The following RTRAF variants were observed in gnomAD, a reference collection of about 807,000 sequenced individuals.
The protein encoded by RTRAF is RNA transcription, translation and transport factor.
RTRAF carries 14 observed loss-of-function variants against 34.4 expected under a neutral mutation model. The ratio of observed to expected loss-of-function variants is 0.41; its 90% CI spans 0.27 to 0.64. The LOEUF (loss-of-function observed/expected upper bound fraction) is 0.64. Ranked by LOEUF, RTRAF falls within the 30% of genes least tolerant of loss-of-function variation. The pLI is 0.34. For synonymous variants in RTRAF, 96 were observed against 95.3 expected (o/e 1.01, Z -0.04); for missense variants, 291 against 288.4 (o/e 1.01, Z -0.06).
At chr14:51,993,350 T>A (rs960805193) in intron 2 of RTRAF, among the ~76,000 whole-genome samples, 1 of 152,170 alleles carries the variant, frequency 6.6e-6, no homozygotes, top group Non-Finnish European at 1.5e-5. Flanking sequence ...TTTAGATAGA[T>A]AATGATTTAT....
chr14:51,995,348 G>A (rs541601336), intron 3 of RTRAF, among the ~76,000 whole-genome samples: 1 of 151,792 alleles, frequency 6.6e-6, no homozygotes. Flanking sequence ...CTTGACTCTG[G>A]CCCCTTCTTC....
intron 2 of RTRAF, among the ~76,000 whole-genome samples, chr14:51,992,293 G>A (rs1354050009): frequency 6.6e-6 from 1 of 152,104 alleles, no homozygotes; most frequent in Non-Finnish European, 1.5e-5. Flanking sequence ...TCTTGAAAAA[G>A]GCTAAGTTTT....
chr14:52,004,937 A>T lies in RTRAF; in HGVS notation c.*421A>T, dbSNP rs1890698241. On this transcript the variant is annotated 3_prime_UTR_variant, in exon 8 of 8. Transcript: ENST00000261700. ...AGGCACTACAGGATCAGAAAATGCA[A>T]ATTGAATCATTTTAGCACCTTTTGA... 1 of 158,602 alleles carries T rather than the reference A, an allele frequency of 6.3e-6. No individual in the cohort carries two copies. 9.8% of individuals were successfully genotyped at this position (158,602 alleles called of 1,614,324 possible).
chr14:51,989,581 C>T lies in RTRAF; in HGVS notation c.-59C>T. 1.3e-6 allele frequency: 2 copies of T among 1,534,072 alleles called. No individual in the cohort carries two copies. Among genetic ancestry groups the T allele is most frequent in the South Asian group, 1.2e-5 (1 of 82,554 alleles). Reference sequence around the variant, plus strand: ...GTCGCCGGTGCCTGCGCCTCCCGCTCCACCTCGCTTCTTCTCTCCCGGCCG... The same window carrying T: ...GTCGCCGGTGCCTGCGCCTCCCGCTTCACCTCGCTTCTTCTCTCCCGGCCG... On this transcript the variant is annotated 5_prime_UTR_variant, in exon 1 of 8. Transcript: ENST00000261700.
chr14:52,006,673 A>G lies in RTRAF; in HGVS notation c.*2157A>G. ...AGTTTTTTGGTTCCTTTTAAAACAAAGGGGGAAAATGAGGTCCTTCAGCTG... is the reference window on the plus strand; with the variant it reads ...AGTTTTTTGGTTCCTTTTAAAACAAGGGGGGAAAATGAGGTCCTTCAGCTG... On this transcript the variant is annotated 3_prime_UTR_variant, in exon 8 of 8. Transcript: ENST00000261700. The G allele has an allele frequency of 6.2e-7, 1 of 1,613,004 alleles. No individual in the cohort carries two copies. Among genetic ancestry groups the G allele is most frequent in the African/African-American group, 1.3e-5 (1 of 75,016 alleles).
Position 52,004,745 on chromosome 14 carries a change from G to C in RTRAF, c.*229G>C. On this transcript the variant is annotated 3_prime_UTR_variant, in exon 8 of 8. Transcript: ENST00000261700. ...GCATAAATCACCTTTCTCCTTTGTG[G>C]TTAAGGCATATATGCCAACCCCCAG... The C allele has an allele frequency of 2.5e-6, 1 of 399,898 alleles. No individual in the cohort carries two copies. The highest frequency in any genetic ancestry group is 4.4e-6 in the Non-Finnish European group (1 of 228,462). 24.8% of individuals were successfully genotyped at this position (399,898 alleles called of 1,614,324 possible).
At chr14:52,004,153 T>C (rs2140332496) in intron 6 of RTRAF, 41 bp from the exon 7 acceptor site, 1 of 1,551,922 alleles carries the variant, frequency 6.4e-7, no homozygotes, top group Non-Finnish European at 8.9e-7. Context: ...GATGCTATTC[T>C]TAACCATAAA....
rs958016421 is a variant in RTRAF, at chr14:51,989,548, C to A, written c.-92C>A. ...GAGCGACTCAGCGCCTGCCCGCCCT[C>A]TCGCCGCGTCGCCGGTGCCTGCGCC... On this transcript the variant is annotated 5_prime_UTR_variant, in exon 1 of 8. Transcript: ENST00000261700. 4 of 1,399,962 alleles carry A rather than the reference C, an allele frequency of 2.9e-6. No homozygotes were observed. In the East Asian group the frequency reaches 8.0e-5, roughly 28 times the overall value. 86.7% of individuals were successfully genotyped at this position (1,399,962 alleles called of 1,614,324 possible).
At chr14:51,992,284 C>G (rs1308157595) in intron 2 of RTRAF, among the ~76,000 whole-genome samples, 2 of 152,132 alleles carry the variant, frequency 1.3e-5, no homozygotes, top group Non-Finnish European at 2.9e-5. Context: ...AGATATTTTT[C>G]TTGAAAAAGG....
At position 51,993,839 on chromosome 14, in the gene RTRAF, A is replaced by C; in HGVS notation, c.286+17A>C. 1 of 1,438,418 alleles carries C rather than the reference A, an allele frequency of 7.0e-7. No individual in the cohort carries two copies. Among genetic ancestry groups the C allele is most frequent in the Non-Finnish European group, 9.6e-7 (1 of 1,041,086 alleles). The allele number at this position is 1,438,418 out of a possible 1,614,324, so 89.1% of individuals were successfully genotyped here. Reference sequence around the variant, plus strand: ...GAGATAATGGTACGTTTTGTGGGGAATGTGTATTTTAAAGAGAGAGGAAAG... The same window carrying C: ...GAGATAATGGTACGTTTTGTGGGGACTGTGTATTTTAAAGAGAGAGGAAAG... On this transcript the variant is annotated intron_variant, in intron 3 of 7. Coordinates refer to ENST00000261700, the MANE Select transcript of RTRAF (RefSeq NM_016039.3).
chr14:51,998,484 G>T lies in RTRAF; in HGVS notation c.287-10G>T. 6.6e-7 allele frequency: 1 copy of T among 1,513,950 alleles called. No homozygotes were observed. The highest frequency in any genetic ancestry group is 1.4e-5 in the African/African-American group (1 of 70,040). 93.8% of individuals were successfully genotyped at this position (1,513,950 alleles called of 1,614,324 possible). ...AGTTGTACAAATTATATTTTTGCCT[G>T]TTTTTATAGCTGAAAAATACAAGGA... On this transcript the variant is annotated splice_polypyrimidine_tract_variant and intron_variant, in intron 3 of 7. Transcript: ENST00000261700.
At position 52,008,276 on chromosome 14, in the gene RTRAF, A is replaced by G. The variant is rs1401407943; in HGVS notation, c.*3760A>G. The G allele has an allele frequency of 1.7e-5, 4 of 236,976 alleles. No individual in the cohort carries two copies. The highest frequency in any genetic ancestry group is 1.7e-4 in the South Asian group (2 of 11,752). 14.7% of individuals were successfully genotyped at this position (236,976 alleles called of 1,614,324 possible). On this transcript the variant is annotated 3_prime_UTR_variant, in exon 8 of 8. Transcript: ENST00000261700. ...TGTAAAGGGGAACATGTGCCAAGGA[A>G]CTGATGTCCTTGAGGGCTGTTGGCC...
In RTRAF at chr14:52,006,903, C is replaced by T. The variant is rs1890807459; in HGVS notation, c.*2387C>T. 2 of 334,060 alleles carry T rather than the reference C, an allele frequency of 6.0e-6. No individual in the cohort carries two copies. The highest frequency in any genetic ancestry group is 2.1e-5 in the African/African-American group (1 of 47,432). The allele number at this position is 334,060 out of a possible 1,614,324, so 20.7% of individuals were successfully genotyped here. ...TTTACTGAAATCTGGTAAGTTTCTG[C>T]CAAAGTAGGGCATTAAACATAATTA... On this transcript the variant is annotated 3_prime_UTR_variant, in exon 8 of 8. Transcript: ENST00000261700.
In RTRAF at chr14:52,007,570, G is replaced by A; in HGVS notation, c.*3054G>A. The A allele has an allele frequency of 2.1e-6, 1 of 477,418 alleles. No homozygotes were observed. Among genetic ancestry groups the A allele is most frequent in the Non-Finnish European group, 3.7e-6 (1 of 270,948 alleles). 29.6% of individuals were successfully genotyped at this position (477,418 alleles called of 1,614,324 possible). On this transcript the variant is annotated 3_prime_UTR_variant, in exon 8 of 8. Coordinates refer to ENST00000261700, the MANE Select transcript of RTRAF (RefSeq NM_016039.3). ...CTTTTAACTGTTAAAAATATGCCAG[G>A]CACTCATGGTCAGGCAAGCAGTACA...
chr14:52,007,919 C>T lies in RTRAF; in HGVS notation c.*3403C>T, dbSNP rs763905618. 11 of 1,613,374 alleles carry T rather than the reference C, an allele frequency of 6.8e-6. No homozygotes were observed. The highest frequency in any genetic ancestry group is 3.3e-5 in the Admixed American group (2 of 59,872). Reference sequence around the variant, plus strand: ...TTCTGTTTTCTCCATCTAAAGATGACGTTTCAATTTTAGGAGCTTCTCTAT... The same window carrying T: ...TTCTGTTTTCTCCATCTAAAGATGATGTTTCAATTTTAGGAGCTTCTCTAT... On this transcript the variant is annotated 3_prime_UTR_variant, in exon 8 of 8. Coordinates refer to ENST00000261700, the MANE Select transcript of RTRAF (RefSeq NM_016039.3).
At chr14:52,004,148 T>C in intron 6 of RTRAF, 46 bp from the exon 7 acceptor site, 1 of 1,519,374 alleles carries the variant, frequency 6.6e-7, no homozygotes, top group Non-Finnish European at 9.1e-7. Flanking sequence ...GAAAGGATGC[T>C]ATTCTTAACC....
Position 52,008,153 on chromosome 14 carries a change from A to G in RTRAF, c.*3637A>G. On this transcript the variant is annotated 3_prime_UTR_variant, in exon 8 of 8. Transcript: ENST00000261700. ...TAGAGTATAGCAGAAGTGATAGGCT[A>G]TCACTGCCGATATTCGGTCTCAAAA... The G allele has an allele frequency of 4.1e-6, 2 of 488,866 alleles. No homozygotes were observed. The highest frequency in any genetic ancestry group is 7.8e-5 in the Admixed American group (2 of 25,510). The allele number at this position is 488,866 out of a possible 1,614,324, so 30.3% of individuals were successfully genotyped here. A position where few individuals can be genotyped will look rare whatever the true frequency, so the allele number is the denominator to read the frequency against.
chr14:52,010,056 A>G lies in RTRAF; in HGVS notation c.*5540A>G, dbSNP rs1890949544. On this transcript the variant is annotated 3_prime_UTR_variant, in exon 8 of 8. Transcript: ENST00000261700. Reference sequence around the variant, plus strand: ...AATGTCAGAAAGGCAAGCCTATGCAAAGAGTTTTTAAGAGGGCTATTAATT... The same window carrying G: ...AATGTCAGAAAGGCAAGCCTATGCAGAGAGTTTTTAAGAGGGCTATTAATT... 1 of 152,202 alleles carries G rather than the reference A, an allele frequency of 6.6e-6. No individual in the cohort carries two copies. The highest frequency in any genetic ancestry group is 2.4e-5 in the African/African-American group (1 of 41,474). The allele number at this position is 152,202 out of a possible 1,614,324, so 9.4% of individuals were successfully genotyped here. A position where few individuals can be genotyped will look rare whatever the true frequency, so the allele number is the denominator to read the frequency against.
At chr14:51,990,998 T>C (rs930797434) in intron 1 of RTRAF, among the ~76,000 whole-genome samples, 14 of 152,210 alleles carry the variant, frequency 9.2e-5, no homozygotes, top group African/African-American at 3.1e-4. Context: ...AAACAACTTC[T>C]TTTAATCTTC....
Sources: allele counts gnomAD v4.1 joint callset (sites outside exome capture counted in the v4.1 genomes callset), GRCh38; gene constraint gnomAD v4.1.1; transcripts MANE v1.5; gene names NCBI Gene and HGNC (gene_info 2026-07-23, HGNC 2026-07-21).